Variants in ERH observed in about 807,000 individuals in gnomAD.
The protein encoded by ERH is enhancer of rudimentary homolog.
ERH carries 1 observed loss-of-function variant against 16.8 expected under a neutral mutation model. The observed-to-expected ratio is 0.06, with a 90% CI of 0.02 to 0.28. The LOEUF is 0.28. Ranked by LOEUF, ERH falls within the 10% of genes least tolerant of loss-of-function variation. ERH has a pLI of 1.00. For synonymous variants in ERH, 43 were observed against 43.6 expected (o/e 0.99, Z 0.05); for missense variants, 42 against 127.5 (o/e 0.33, Z 3.23).
intron 1 of ERH, among the ~76,000 whole-genome samples, chr14:69,397,698 T>G (rs989249659): frequency 6.6e-6 from 1 of 152,038 alleles, no homozygotes; most frequent in Admixed American, 6.6e-5. Flanking sequence ...GCGGGTGGAT[T>G]GCTTGAGGTC....
chr14:69,382,522 C>A (rs1001371147), intron 3 of ERH, among the ~76,000 whole-genome samples: 5 of 152,062 alleles, frequency 3.3e-5, no homozygotes, highest in African/African-American at 1.2e-4. Flanking sequence ...CATCAACTTG[C>A]ATGCAATTTT....
intron 3 of ERH, among the ~76,000 whole-genome samples, chr14:69,385,235 T>C (rs550241763): frequency 9.8e-4 from 150 of 152,304 alleles, no homozygotes; most frequent in African/African-American, 3.4e-3. Flanking sequence ...AATCCCATGA[T>C]CACAATGACT....
intron 2 of ERH, among the ~76,000 whole-genome samples, chr14:69,387,739 A>C (rs1408821122): frequency 6.6e-6 from 1 of 150,828 alleles, no homozygotes. Flanking sequence ...GATTATCCTA[A>C]TGTATATTTA....
chr14:69,392,859 T>TA (rs1239007139), intron 2 of ERH, among the ~76,000 whole-genome samples: 14 of 152,088 alleles, frequency 9.2e-5, no homozygotes, highest in Non-Finnish European at 8.8e-5. Context: ...CCCTGAGAAA[T>TA]AAGAGTATTG....
At chr14:69,393,832 T>C (rs1186862101) in intron 2 of ERH, among the ~76,000 whole-genome samples, 7 of 152,020 alleles carry the variant, frequency 4.6e-5, no homozygotes, top group Non-Finnish European at 7.4e-5. Context: ...GACCAACATG[T>C]GCAACACAGT....
intron 2 of ERH, among the ~76,000 whole-genome samples, chr14:69,391,868 G>C (rs1016299620): frequency 1.3e-5 from 2 of 151,998 alleles, no homozygotes; most frequent in African/African-American, 4.8e-5. Flanking sequence ...GTATGATACA[G>C]TAAAGGTAGA....
intron 2 of ERH, among the ~76,000 whole-genome samples, chr14:69,391,548 T>C (rs1882211033): frequency 1.4e-5 from 2 of 147,400 alleles, no homozygotes; most frequent in African/African-American, 5.0e-5. Context: ...CTTGGGTGGC[T>C]GAGGCAGGAG....
In ERH at chr14:69,398,105, G is replaced by A; in HGVS notation, c.3+126C>T. ...CGGCGGGAAGAAGGGTCAATCCACC[G>A]ACTAGAGTGGCGGGGAGCATCACGC... is the stretch of plus-strand genomic sequence containing the variant. On this transcript the variant is annotated intron_variant, in intron 1 of 3. Coordinates refer to ENST00000557016, the MANE Select transcript of ERH (RefSeq NM_004450.3). The A allele has an allele frequency of 2.5e-6, 3 of 1,193,074 alleles. No individual in the cohort carries two copies. In the East Asian group the frequency reaches 7.4e-5, roughly 29 times the overall value. 73.9% of individuals were successfully genotyped at this position (1,193,074 alleles called of 1,614,324 possible). A position where few individuals can be genotyped will look rare whatever the true frequency, so the allele number is the denominator to read the frequency against.
intron 2 of ERH, among the ~76,000 whole-genome samples, chr14:69,393,069 C>T (rs1160079945): frequency 6.6e-6 from 1 of 152,182 alleles, no homozygotes; most frequent in Non-Finnish European, 1.5e-5. Context: ...GTAATCCCAG[C>T]ACTTTGGGAA....
At chr14:69,390,173 A>C (rs1436966284) in intron 2 of ERH, among the ~76,000 whole-genome samples, 1 of 151,016 alleles carries the variant, frequency 6.6e-6, no homozygotes, top group Non-Finnish European at 1.5e-5. Flanking sequence ...CGCAATTCCC[A>C]TAAAAATCCA....
At chr14:69,391,022 C>T (rs139614694) in intron 2 of ERH, among the ~76,000 whole-genome samples, 16 of 152,338 alleles carry the variant, frequency 1.1e-4, no homozygotes, top group African/African-American at 3.8e-4. Context: ...CTCATTCACG[C>T]TGGTGGGAAT....
intron 1 of ERH, chr14:69,397,907 G>A (rs1882398747): frequency 5.8e-6 from 3 of 513,098 alleles, no homozygotes; most frequent in Non-Finnish European, 7.0e-6. Context: ...GATAGAGTGA[G>A]ACTCTCTATC....
At chr14:69,397,403 G>A (rs1428160866) in intron 1 of ERH, among the ~76,000 whole-genome samples, 1 of 151,374 alleles carries the variant, frequency 6.6e-6, no homozygotes, top group African/African-American at 2.4e-5. Flanking sequence ...GTACAGGATC[G>A]AGGGCTGAGG....
Position 69,395,162 on chromosome 14 carries a change from A to G in ERH, c.4-250T>C, listed in dbSNP as rs566978036. Among the ~76,000 whole-genome samples, 5 of 152,028 alleles carry G rather than the reference A, an allele frequency of 3.3e-5. No homozygotes were observed. The South Asian group carries it at 1.0e-3, about 32-fold the overall frequency. On this transcript the variant is annotated intron_variant, in intron 1 of 3. Transcript: ENST00000557016. ...AGACCCTGTCTCTACAAAAAAATAA[A>G]ATTTGCCGGGTGCATGCCTGTAGTC...
rs767825914 is a variant in ERH, at chr14:69,387,095, T to C, written c.92-12A>G. The C allele has an allele frequency of 1.2e-5, 19 of 1,611,634 alleles. No homozygotes were observed. In the East Asian group the frequency reaches 1.6e-4, roughly 13 times the overall value. The stretch of plus-strand genomic sequence containing the variant: ...CATTTTACAAACACCTAAGAAAGGA[T>C]AGGAAAAAAAGCAAAATCTTACAAT... On this transcript the variant is annotated splice_polypyrimidine_tract_variant and intron_variant, in intron 2 of 3. Transcript: ENST00000557016.
intron 1 of ERH, among the ~76,000 whole-genome samples, chr14:69,397,439 G>A (rs1217643738): frequency 1.4e-5 from 2 of 147,082 alleles, no homozygotes; most frequent in East Asian, 2.0e-4. Context: ...ATACCTAGAG[G>A]TCTCAAAAAC....
intron 3 of ERH, among the ~76,000 whole-genome samples, chr14:69,381,641 AC>A (rs1224214514): frequency 1.3e-5 from 2 of 152,046 alleles, no homozygotes; most frequent in Admixed American, 6.6e-5. Flanking sequence ...CATTTTTACA[AC>A]CCTGTGAGTA....
At chr14:69,385,651 GA>G (rs375731964) in intron 3 of ERH, among the ~76,000 whole-genome samples, 27,548 of 126,326 alleles carry the variant, frequency 0.22, 2,646 homozygotes, top group South Asian at 0.3. Context: ...TAAAAAAAAG[GA>G]AAAAAAAAAA....
At chr14:69,382,581 C>A (rs565967799) in intron 3 of ERH, among the ~76,000 whole-genome samples, 1 of 152,120 alleles carries the variant, frequency 6.6e-6, no homozygotes, top group African/African-American at 2.4e-5. Flanking sequence ...TGCCTGTAAT[C>A]CCAGCACTTT....
Sources: gnomAD v4.1 joint callset for allele counts (sites outside exome capture counted in the v4.1 genomes callset) on GRCh38, gnomAD v4.1.1 for gene constraint, MANE v1.5 for transcripts, NCBI Gene and HGNC (gene_info 2026-07-23, HGNC 2026-07-21) for gene names.